The following CARMIL1 variants were observed in gnomAD, a reference collection of about 807,000 sequenced individuals.
The protein encoded by CARMIL1 is F-actin-uncapping protein LRRC16A.
Under a neutral mutation model 177.1 loss-of-function variants are expected in CARMIL1, and 90 were observed. That is an observed-to-expected ratio of 0.51 (90% CI 0.43 to 0.61). The LOEUF is 0.61. Among genes scored for constraint, CARMIL1 ranks in the 20% least tolerant of loss-of-function variants. The pLI is 0.00. For missense variants in CARMIL1, 1,380 were observed against 1,667.0 expected, an observed-to-expected ratio of 0.83 and a Z score of 3.00; for synonymous variants, 577 against 606.2, an observed-to-expected ratio of 0.95 and a Z score of 0.71.
intron 3 of CARMIL1, among the ~76,000 whole-genome samples, chr6:25,421,133 A>T (rs1308203697): frequency 3.3e-5 from 5 of 152,262 alleles, no homozygotes; most frequent in Non-Finnish European, 5.9e-5. Flanking sequence ...CTAGAATCTA[A>T]TAAGTTATTT....
chr6:25,607,706 C>A (rs1486958725), intron 35 of CARMIL1, among the ~76,000 whole-genome samples: 1 of 152,218 alleles, frequency 6.6e-6, no homozygotes, highest in African/African-American at 2.4e-5. Context: ...GTCCAAACTT[C>A]TTCCACTTGT....
chr6:25,318,942 C>G, intron 2 of CARMIL1, among the ~76,000 whole-genome samples: 1 of 152,198 alleles, frequency 6.6e-6, no homozygotes, highest in Admixed American at 6.5e-5. Context: ...CTTAGTGCAG[C>G]CTTACTCAGT....
At chr6:25,596,850 GACAC>G (rs34651019) in intron 32 of CARMIL1, among the ~76,000 whole-genome samples, 29,138 of 149,072 alleles carry the variant, frequency 0.2, 3,008 homozygotes, top group East Asian at 0.4. Flanking sequence ...CAAACACACA[GACAC>G]ACACACACAC....
In CARMIL1 at chr6:25,580,978, T is replaced by G. The variant is rs746302361; in HGVS notation, c.2797T>G (p.Ser933Ala). The stretch of plus-strand genomic sequence containing the variant: ...CCATAGCCGAATGCTGCGGCCTGTT[T>G]CTAGGGCTTTTGGTAAGTGTTTTGC... ...SIHSRMLRPV[S>A]RAFEMEFDLD... Residue 933 changes from serine to alanine, a missense_variant, in exon 30 of 37, where the codon TCT becomes GCT. Transcript: ENST00000329474. 6.3e-7 allele frequency: 1 copy of G among 1,599,772 alleles called. No individual in the cohort carries two copies. The highest frequency in any genetic ancestry group is 8.5e-7 in the Non-Finnish European group (1 of 1,172,514).
At chr6:25,512,942 G>A (rs1471253173) in intron 20 of CARMIL1, among the ~76,000 whole-genome samples, 1 of 152,154 alleles carries the variant, frequency 6.6e-6, no homozygotes, top group African/African-American at 2.4e-5. Flanking sequence ...AAAAGAAATA[G>A]TAAGATTTCA....
chr6:25,326,864 G>A lies in CARMIL1; in HGVS notation c.138+41955G>A, dbSNP rs1000381689. ...AAGACGGAATCCCACTGTCACCCAG[G>A]CTGGAGTGCAGTGGCATGATCTTGG... On this transcript the variant is annotated intron_variant, in intron 2 of 36. Coordinates refer to ENST00000329474, the MANE Select transcript of CARMIL1 (RefSeq NM_017640.6). The surrounding 1 kb of genome is among the most constrained non-coding windows in gnomAD (Gnocchi z 4.2). Among the ~76,000 whole-genome samples, 4 of 152,076 alleles carry A rather than the reference G, an allele frequency of 2.6e-5. No homozygotes were observed. Among genetic ancestry groups the A allele is most frequent in the African/African-American group, 9.7e-5 (4 of 41,400 alleles).
At chr6:25,449,380 G>A (rs937848532) in intron 5 of CARMIL1, among the ~76,000 whole-genome samples, 6 of 152,188 alleles carry the variant, frequency 3.9e-5, no homozygotes, top group African/African-American at 1.4e-4. Flanking sequence ...AGGTTCTGAG[G>A]AGGAGGATGG....
intron 36 of CARMIL1, chr6:25,612,786 C>T: frequency 1.0e-6 from 1 of 985,296 alleles, no homozygotes; most frequent in Non-Finnish European, 1.2e-6. Context: ...ATGACAGTGG[C>T]AAGCCTTCCA....
chr6:25,537,119 A>G (rs760440432), intron 24 of CARMIL1, among the ~76,000 whole-genome samples: 14 of 152,130 alleles, frequency 9.2e-5, no homozygotes, highest in Non-Finnish European at 1.9e-4. Flanking sequence ...GAGATCCACC[A>G]TCTCCCATTG....
chr6:25,387,551 A>G (rs73383471), intron 2 of CARMIL1, among the ~76,000 whole-genome samples: 2,205 of 152,300 alleles, frequency 0.014, 51 homozygotes, highest in African/African-American at 0.049. Flanking sequence ...ATATTCTGCA[A>G]TTCAGCAGCT....
At chr6:25,522,660 T>C (rs1331753939) in intron 23 of CARMIL1, among the ~76,000 whole-genome samples, 1 of 152,238 alleles carries the variant, frequency 6.6e-6, no homozygotes, top group Non-Finnish European at 1.5e-5. Context: ...TGCTCCTCTC[T>C]GTCATTGGCC....
chr6:25,595,867 G>A (rs1404640369), intron 32 of CARMIL1, among the ~76,000 whole-genome samples: 3 of 152,104 alleles, frequency 2.0e-5, no homozygotes, highest in Non-Finnish European at 2.9e-5. Context: ...CTTCAGGAGC[G>A]ATACCTGGGC....
chr6:25,449,128 G>A (rs529447743), intron 5 of CARMIL1, among the ~76,000 whole-genome samples: 1 of 152,240 alleles, frequency 6.6e-6, no homozygotes, highest in Admixed American at 6.5e-5. Flanking sequence ...CTGGGCTCAA[G>A]TAATCGCCTG....
At chr6:25,305,039 A>T (rs1489589411) in intron 2 of CARMIL1, among the ~76,000 whole-genome samples, 1 of 152,146 alleles carries the variant, frequency 6.6e-6, no homozygotes, top group Non-Finnish European at 1.5e-5. Flanking sequence ...AGCTTTTCTG[A>T]ACATGTTTAG....
chr6:25,470,651 G>A (rs1283207510), intron 9 of CARMIL1, among the ~76,000 whole-genome samples: 1 of 152,224 alleles, frequency 6.6e-6, no homozygotes, highest in Non-Finnish European at 1.5e-5. Flanking sequence ...TTGAGGCAGA[G>A]AAGTCCAAGA....
chr6:25,460,237 CTTA>C (rs1800011542), intron 8 of CARMIL1, among the ~76,000 whole-genome samples: 1 of 152,184 alleles, frequency 6.6e-6, no homozygotes, highest in Non-Finnish European at 1.5e-5. Context: ...TCATGATCTG[CTTA>C]TGTGCTCACT....
At chr6:25,613,381 C>CT (rs1246500949) in intron 36 of CARMIL1, among the ~76,000 whole-genome samples, 2 of 152,186 alleles carry the variant, frequency 1.3e-5, no homozygotes, top group Admixed American at 6.5e-5. Context: ...ATCTTTCACC[C>CT]TTTATCATTT....
chr6:25,461,212 G>C (rs1353043910), intron 8 of CARMIL1, among the ~76,000 whole-genome samples: 1 of 152,140 alleles, frequency 6.6e-6, no homozygotes, highest in Non-Finnish European at 1.5e-5. Context: ...CCTTGCCTCT[G>C]ATACCTCCCA....
chr6:25,471,213 C>T lies in CARMIL1; in HGVS notation c.735C>T (p.Ser245=). 6.2e-7 allele frequency: 1 copy of T among 1,613,208 alleles called. No homozygotes were observed. Among genetic ancestry groups the T allele is most frequent in the African/African-American group, 1.3e-5 (1 of 74,984 alleles). The change falls in exon 10 of 37, where the codon TCC becomes TCT. Residue 245 remains serine, a synonymous_variant. Coordinates refer to ENST00000329474, the MANE Select transcript of CARMIL1 (RefSeq NM_017640.6). ...CEQILRVVSR[S]NRLEELVLEN... ...AGATCTTGAGGGTGGTGAGTAGGTCCAATCGACTGGAAGAATTGGTGTTGG... is the reference window on the plus strand; with the variant it reads ...AGATCTTGAGGGTGGTGAGTAGGTCTAATCGACTGGAAGAATTGGTGTTGG...
Sources: gnomAD v4.1 joint callset for allele counts (sites outside exome capture counted in the v4.1 genomes callset) on GRCh38, gnomAD v4.1.1 for gene constraint, Gnocchi (gnomAD v3.1) non-coding constraint, MANE v1.5 for transcripts, NCBI Gene and HGNC (gene_info 2026-07-23, HGNC 2026-07-21) for gene names.